CFAP43: variants seen among roughly 807,000 people sequenced by gnomAD.
CFAP43 encodes cilia and flagella associated protein 43, also known as cilia- and flagella-associated protein 43.
In CFAP43, 155 loss-of-function variants were observed where a neutral mutation model predicts 218.9. The ratio of observed to expected loss-of-function variants is 0.71; its 90% CI spans 0.62 to 0.81. CFAP43 has a LOEUF of 0.81. Among genes scored for constraint, CFAP43 ranks in the 30% least tolerant of loss-of-function variants. The pLI is 0.00. For missense variants in CFAP43, 1,778 were observed against 1,954.3 expected, an observed-to-expected ratio of 0.91 and a Z score of 1.70; for synonymous variants, 645 against 681.3, an observed-to-expected ratio of 0.95 and a Z score of 0.83.
Position 104,166,522 on chromosome 10 carries a change from C to T in CFAP43, c.3005G>A (p.Arg1002Lys). Residue 1002 changes from arginine (R) to lysine (K), a missense_variant, in exon 23 of 38, where the codon AGA becomes AAA. Around this residue, in one of 3 missense-constraint regions of CFAP43, gnomAD observed 1,553 missense variants for 1,685.2 expected, o/e 0.92. Transcript: ENST00000357060. ...TATAATTTGGTTGATTTTCTCTTCT[C>T]TGGAATGAAGCTCCAATTGGCTTGA... ...LLSSQLELHS[R>K]EEKINQIILL... The T allele has an allele frequency of 6.2e-7, 1 of 1,613,904 alleles. No individual in the cohort carries two copies. Among genetic ancestry groups the T allele is most frequent in the Non-Finnish European group, 8.5e-7 (1 of 1,179,960 alleles).
intron 31 of CFAP43, among the ~76,000 whole-genome samples, chr10:104,144,232 T>C (rs1173383239): frequency 5.9e-5 from 9 of 152,214 alleles, no homozygotes; most frequent in African/African-American, 2.2e-4. Context: ...GTGTTGAAGT[T>C]AGGATTTAAA....
chr10:104,219,698 C>A (rs1287348972), intron 3 of CFAP43, among the ~76,000 whole-genome samples: 1 of 152,154 alleles, frequency 6.6e-6, no homozygotes, highest in East Asian at 1.9e-4. Flanking sequence ...GATGATAAAC[C>A]ACATGGTCAC....
At chr10:104,211,082 T>C (rs917798546) in intron 5 of CFAP43, among the ~76,000 whole-genome samples, 2 of 152,128 alleles carry the variant, frequency 1.3e-5, no homozygotes, top group African/African-American at 4.8e-5. Context: ...GCTTGTAACA[T>C]GAGTAATGCC....
intron 34 of CFAP43, among the ~76,000 whole-genome samples, chr10:104,136,837 T>C (rs974843359): frequency 2.8e-4 from 42 of 152,168 alleles, no homozygotes; most frequent in African/African-American, 8.2e-4. Context: ...TGTCCAAAGA[T>C]ATACAAATGG....
intron 34 of CFAP43, 41 bp downstream of exon 34, chr10:104,140,801 G>T: frequency 1.3e-6 from 2 of 1,489,726 alleles, no homozygotes; most frequent in Non-Finnish European, 1.8e-6. Flanking sequence ...GAGTAACAAA[G>T]CAAGACCTTG....
Position 104,179,831 on chromosome 10 carries a change from C to G in CFAP43, c.2382+9G>C. 1 of 1,608,434 alleles carries G rather than the reference C, an allele frequency of 6.2e-7. No homozygotes were observed. The highest frequency in any genetic ancestry group is 8.5e-7 in the Non-Finnish European group (1 of 1,175,656). On this transcript the variant is annotated intron_variant, in intron 18 of 37. Transcript: ENST00000357060. ...ACTATTTCAAACCTACCCCATGTTT[C>G]ACAAATACCTCTTGGCTTTTTTGTT...
At position 104,178,107 on chromosome 10, in the gene CFAP43, C is replaced by A. The variant is rs367584877; in HGVS notation, c.2460+922G>T. ...TAGGAAGCTACTGAAGAATACACAC[C>A]AAGAAAACAAAGAAAATCACGTGGG... On this transcript the variant is annotated intron_variant, in intron 19 of 37. Transcript: ENST00000357060. 7.2e-5 allele frequency among the ~76,000 whole-genome samples: 11 copies of A among 152,054 alleles called. No individual in the cohort carries two copies. The East Asian group carries it at 2.1e-3, about 29-fold the overall frequency.
chr10:104,202,281 T>C (rs903117313), intron 8 of CFAP43, among the ~76,000 whole-genome samples: 15 of 152,224 alleles, frequency 9.9e-5, no homozygotes, highest in Admixed American at 3.9e-4. Context: ...TTAGAAGTAA[T>C]CTGTCTTTTC....
intron 5 of CFAP43, among the ~76,000 whole-genome samples, chr10:104,210,317 C>G (rs538533405): frequency 6.6e-6 from 1 of 152,354 alleles, no homozygotes; most frequent in East Asian, 1.9e-4. Flanking sequence ...TTGCTTGCCA[C>G]AGAGATTTTT....
chr10:104,158,397 T>C (rs1438262642), intron 27 of CFAP43, among the ~76,000 whole-genome samples: 2 of 152,182 alleles, frequency 1.3e-5, no homozygotes, highest in South Asian at 2.1e-4. Flanking sequence ...TGGAACCTCC[T>C]GATACGATGC....
intron 19 of CFAP43, among the ~76,000 whole-genome samples, chr10:104,177,400 C>T (rs1168335659): frequency 2.0e-5 from 3 of 152,102 alleles, no homozygotes; most frequent in Non-Finnish European, 4.4e-5. Context: ...AGAAGGATGG[C>T]GGTCATTGCC....
intron 2 of CFAP43, among the ~76,000 whole-genome samples, chr10:104,226,307 T>C (rs572872623): frequency 1.2e-4 from 19 of 152,346 alleles, no homozygotes; most frequent in East Asian, 1.2e-3. Flanking sequence ...TCTGCTTTTT[T>C]TCTCATTCTC....
Position 104,214,420 on chromosome 10 carries a change from C to T in CFAP43, c.423G>A (p.Trp141Ter), listed in dbSNP as rs1376343468. 1 of 1,575,142 alleles carries T rather than the reference C, an allele frequency of 6.3e-7. No homozygotes were observed. The highest frequency in any genetic ancestry group is 1.4e-5 in the African/African-American group (1 of 73,602). ...LPEFELALWN[W>*]ESSIILCKKS... The stretch of plus-strand genomic sequence containing the variant: ...TCTTACACAAAATGATACTCGATTC[C>T]CAGTTCCTTAGAGAAAAATAGCATT... The change falls in exon 4 of 38, where the codon TGG (tryptophan) becomes TGA (stop). Residue 141 changes from tryptophan (W) to a stop codon, truncating the protein, a stop_gained. Transcript: ENST00000357060. LOFTEE classifies it high-confidence loss of function.
chr10:104,185,466 C>T (rs1038264522), intron 15 of CFAP43, among the ~76,000 whole-genome samples: 1 of 151,902 alleles, frequency 6.6e-6, no homozygotes, highest in Non-Finnish European at 1.5e-5. Flanking sequence ...AGGGAAGGGG[C>T]CTTCAGCAAG....
At chr10:104,230,097 G>T (rs796405128) in intron 2 of CFAP43, among the ~76,000 whole-genome samples, 6 of 152,094 alleles carry the variant, frequency 3.9e-5, no homozygotes, top group African/African-American at 1.2e-4. Context: ...ACCACACTTT[G>T]AACAGCAAGG....
At chr10:104,143,128 T>A (rs1002854113) in intron 32 of CFAP43, among the ~76,000 whole-genome samples, 3 of 152,250 alleles carry the variant, frequency 2.0e-5, no homozygotes, top group African/African-American at 7.2e-5. Flanking sequence ...CTAATGTGTA[T>A]GTTTTCCACT....
At chr10:104,226,780 GA>G (rs1162039597) in intron 2 of CFAP43, among the ~76,000 whole-genome samples, 2 of 152,288 alleles carry the variant, frequency 1.3e-5, no homozygotes, top group East Asian at 3.9e-4. Flanking sequence ...AGCACTTTGG[GA>G]GGGGAAGGCA....
chr10:104,226,694 G>A (rs1296929650), intron 2 of CFAP43, among the ~76,000 whole-genome samples: 1 of 151,828 alleles, frequency 6.6e-6, no homozygotes, highest in Non-Finnish European at 1.5e-5. Context: ...ATATAACTTT[G>A]CTTTTTATAG....
In CFAP43 at chr10:104,214,314, T is replaced by C. The variant is rs557270077; in HGVS notation, c.529A>G (p.Thr177Ala). 47 of 1,610,118 alleles carry C rather than the reference T, an allele frequency of 2.9e-5. No individual in the cohort carries two copies. The South Asian group carries it at 4.5e-4, about 16-fold the overall frequency. ...CTTTCAATGGTCCACACGCTCACTG[T>C]ACTTGGACTTGATAAGCACAGCTGG... ...WRQLCLSSPSTVSVWTIERSN... is the reference protein window; with the variant it reads ...WRQLCLSSPSAVSVWTIERSN... Residue 177 changes from threonine to alanine, a missense_variant, in exon 4 of 38, where the codon ACA becomes GCA. Transcript: ENST00000357060.
Sources: allele counts gnomAD v4.1 joint callset (sites outside exome capture counted in the v4.1 genomes callset), GRCh38; gene constraint gnomAD v4.1.1; regional missense constraint gnomAD v4.1.1; transcripts MANE v1.5; gene names NCBI Gene and HGNC (gene_info 2026-07-23, HGNC 2026-07-21).